ARIH1: variants seen among roughly 807,000 people sequenced by gnomAD.
ARIH1 encodes E3 ubiquitin-protein ligase ARIH1.
ARIH1 carries 8 observed loss-of-function variants against 85.0 expected under a neutral mutation model. The observed-to-expected ratio is 0.09, with a 90% CI of 0.06 to 0.17. The LOEUF (loss-of-function observed/expected upper bound fraction) is 0.17. Among genes scored for constraint, ARIH1 ranks in the 10% least tolerant of loss-of-function variants. ARIH1 has a pLI of 1.00. For synonymous variants in ARIH1, 238 were observed against 253.6 expected (o/e 0.94, Z 0.59); for missense variants, 311 against 718.1 (o/e 0.43, Z 6.48).
At chr15:72,577,677 CAA>C (rs2064277955) in intron 11 of ARIH1, among the ~76,000 whole-genome samples, 1 of 151,700 alleles carries the variant, frequency 6.6e-6, no homozygotes, top group Non-Finnish European at 1.5e-5. Context: ...CATCTCAAAA[CAA>C]AAAACAAACA....
In ARIH1 at chr15:72,596,515, C is replaced by T. The variant is rs4777519; in HGVS notation, c.*13223C>T. Reference sequence around the variant, plus strand: ...TATTGGTTCTTTCTTGGCCGTTATCCGTTTACATTTTTCTCTTGTCTCATA... The same window carrying T: ...TATTGGTTCTTTCTTGGCCGTTATCTGTTTACATTTTTCTCTTGTCTCATA... On this transcript the variant is annotated 3_prime_UTR_variant, in exon 14 of 14. Coordinates refer to ENST00000379887, the MANE Select transcript of ARIH1 (RefSeq NM_005744.5). 0.92 allele frequency: 140,162 copies of T among 152,174 alleles called. 65,629 individuals carry two copies. Among genetic ancestry groups the T allele is most frequent in the East Asian group, 1 (5,186 of 5,186 alleles). The allele number at this position is 152,174 out of a possible 1,614,324, so 9.4% of individuals were successfully genotyped here.
At chr15:72,537,557 T>C (rs1397188411) in intron 2 of ARIH1, among the ~76,000 whole-genome samples, 1 of 152,232 alleles carries the variant, frequency 6.6e-6, no homozygotes, top group African/African-American at 2.4e-5. Context: ...CATGTTACTT[T>C]TGCTTTTTAT....
rs1167550331 is a variant in ARIH1 at position 72,582,280 on chromosome 15, C to T, written c.1589+93C>T. 5.0e-6 allele frequency: 4 copies of T among 799,560 alleles called. No individual in the cohort carries two copies. Among genetic ancestry groups the T allele is most frequent in the Non-Finnish European group, 8.1e-6 (4 of 494,808 alleles). The allele number at this position is 799,560 out of a possible 1,614,324, so 49.5% of individuals were successfully genotyped here. On this transcript the variant is annotated intron_variant, in intron 13 of 13. Coordinates refer to ENST00000379887, the MANE Select transcript of ARIH1 (RefSeq NM_005744.5). This position sits in a 1 kb window ranked among gnomAD's most constrained non-coding sequence, Gnocchi z 4.6. ...GATAGTGAAACTGGGTTTAGCATAT[C>T]CAGCAACTGAGCTTTTGCCATGTTT...
At position 72,582,350 on chromosome 15, in the gene ARIH1, A is replaced by G. The variant is rs550340855; in HGVS notation, c.1589+163A>G. Among the ~76,000 whole-genome samples the G allele has an allele frequency of 4.6e-4, 70 of 152,296 alleles. No individual in the cohort carries two copies. In the South Asian group the frequency reaches 0.014, roughly 31 times the overall value. On this transcript the variant is annotated intron_variant, in intron 13 of 13. Coordinates refer to ENST00000379887, the MANE Select transcript of ARIH1 (RefSeq NM_005744.5). This position sits in a 1 kb window ranked among gnomAD's most constrained non-coding sequence, Gnocchi z 4.6. ...CGTTGGGCACTAAATTGCAGGTAAT[A>G]GTATTGGTGAAGCATACATAGAGAA...
At chr15:72,498,212 A>G (rs1256083119) in intron 1 of ARIH1, among the ~76,000 whole-genome samples, 1 of 150,740 alleles carries the variant, frequency 6.6e-6, no homozygotes, top group Admixed American at 6.7e-5. Flanking sequence ...ATGCATTCTT[A>G]TGTCAATAGA....
Position 72,588,474 on chromosome 15 carries a change from A to G in ARIH1, c.*5182A>G, listed in dbSNP as rs2140443761. 6.6e-6 allele frequency: 1 copy of G among 152,312 alleles called. No homozygotes were observed. The highest frequency in any genetic ancestry group is 1.9e-4 in the East Asian group (1 of 5,192). The allele number at this position is 152,312 out of a possible 1,614,324, so 9.4% of individuals were successfully genotyped here. On this transcript the variant is annotated 3_prime_UTR_variant, in exon 14 of 14. Coordinates refer to ENST00000379887, the MANE Select transcript of ARIH1 (RefSeq NM_005744.5). ...ATCAGTAATTTTTGTAAAGCCCTTT[A>G]CGCATTCTCACCCCTAATTCCAGCC...
Position 72,484,933 on chromosome 15 carries a change from G to A in ARIH1, c.375+9919G>A, listed in dbSNP as rs147234635. Among the ~76,000 whole-genome samples the A allele has an allele frequency of 2.2e-4, 33 of 151,882 alleles. No homozygotes were observed. In the East Asian group the frequency reaches 5.8e-3, roughly 27 times the overall value. On this transcript the variant is annotated intron_variant, in intron 1 of 13. Transcript: ENST00000379887. Reference sequence around the variant, plus strand: ...TTTTCGTATAATGACTTTTCCTCTGGGTGGATACCCAGTAGTGTGATTGCT... The same window carrying A: ...TTTTCGTATAATGACTTTTCCTCTGAGTGGATACCCAGTAGTGTGATTGCT...
chr15:72,539,884 A>G (rs1364891105), intron 2 of ARIH1, among the ~76,000 whole-genome samples: 2 of 152,248 alleles, frequency 1.3e-5, no homozygotes. Context: ...TTTAAACATT[A>G]GAATTATGTC....
chr15:72,519,514 G>A lies in ARIH1; in HGVS notation c.443+1380G>A, dbSNP rs537142863. Among the ~76,000 whole-genome samples, 10 of 98,726 alleles carry A rather than the reference G, an allele frequency of 1.0e-4. No homozygotes were observed. In the South Asian group the frequency reaches 2.3e-3, roughly 23 times the overall value. 64.8% of individuals were successfully genotyped at this position (98,726 alleles called of 152,430 possible). A position where few individuals can be genotyped will look rare whatever the true frequency, so the allele number is the denominator to read the frequency against. ...TTTTTTTTTTTTGAGACGGAGTTTC[G>A]CTCTTGTTGCCCAGGCTGGAGTGCA... On this transcript the variant is annotated intron_variant, in intron 2 of 13. Coordinates refer to ENST00000379887, the MANE Select transcript of ARIH1 (RefSeq NM_005744.5).
chr15:72,539,135 G>A (rs1177500501), intron 2 of ARIH1, among the ~76,000 whole-genome samples: 2 of 152,184 alleles, frequency 1.3e-5, no homozygotes, highest in Middle Eastern at 3.2e-3. Flanking sequence ...ACTCATTAAA[G>A]ATGCCTCAAC....
chr15:72,601,405 A>G lies in ARIH1; in HGVS notation c.*18113A>G, dbSNP rs1408754695. ...GATCTGCACTCCTACCTCTTCTCCT[A>G]TTGCAACCAACCCTGTTACCTTTTT... On this transcript the variant is annotated 3_prime_UTR_variant, in exon 14 of 14. Coordinates refer to ENST00000379887, the MANE Select transcript of ARIH1 (RefSeq NM_005744.5). 1 of 152,036 alleles carries G rather than the reference A, an allele frequency of 6.6e-6. No individual in the cohort carries two copies. Among genetic ancestry groups the G allele is most frequent in the Non-Finnish European group, 1.5e-5 (1 of 68,034 alleles). The allele number at this position is 152,036 out of a possible 1,614,324, so 9.4% of individuals were successfully genotyped here.
intron 1 of ARIH1, among the ~76,000 whole-genome samples, chr15:72,511,269 T>C (rs1277668674): frequency 1.3e-5 from 2 of 152,194 alleles, no homozygotes; most frequent in Non-Finnish European, 2.9e-5. Context: ...CAGTTATTCA[T>C]TACTAGTATG....
At position 72,595,505 on chromosome 15, in the gene ARIH1, CAG is replaced by C. The variant is rs1459116367; in HGVS notation, c.*12214_*12215del. 6.6e-6 allele frequency: 1 copy of C among 152,156 alleles called. No homozygotes were observed. The highest frequency in any genetic ancestry group is 6.6e-5 in the Admixed American group (1 of 15,266). The allele number at this position is 152,156 out of a possible 1,614,324, so 9.4% of individuals were successfully genotyped here. On this transcript the variant is annotated 3_prime_UTR_variant, in exon 14 of 14. Coordinates refer to ENST00000379887, the MANE Select transcript of ARIH1 (RefSeq NM_005744.5). ...GACTGTTTTTGTTTTTGTTTTGAGACAGGGTCTCTGTCACGCAGGCTGGAGTG... is the reference window on the plus strand; with the variant it reads ...GACTGTTTTTGTTTTTGTTTTGAGACGGTCTCTGTCACGCAGGCTGGAGTG...
At chr15:72,501,986 A>G (rs2140402113) in intron 1 of ARIH1, among the ~76,000 whole-genome samples, 1 of 152,274 alleles carries the variant, frequency 6.6e-6, no homozygotes, top group East Asian at 1.9e-4. Flanking sequence ...AAGTTTAAAA[A>G]CTAGGGTGTT....
rs2064346899 is a variant in ARIH1 at position 72,592,455 on chromosome 15, C to T, written c.*9163C>T. On this transcript the variant is annotated 3_prime_UTR_variant, in exon 14 of 14. Transcript: ENST00000379887. ...AGAAATTAATATTACAAAATGCACA[C>T]ATCTTAAGTGTGAAGTTTGATGTTT... is the stretch of plus-strand genomic sequence containing the variant. 3 of 152,224 alleles carry T rather than the reference C, an allele frequency of 2.0e-5. No homozygotes were observed. The highest frequency in any genetic ancestry group is 1.3e-4 in the Admixed American group (2 of 15,284). 9.4% of individuals were successfully genotyped at this position (152,224 alleles called of 1,614,324 possible). A position where few individuals can be genotyped will look rare whatever the true frequency, so the allele number is the denominator to read the frequency against.
At chr15:72,540,206 C>T (rs1191625206) in intron 2 of ARIH1, among the ~76,000 whole-genome samples, 16 of 142,748 alleles carry the variant, frequency 1.1e-4, no homozygotes, top group South Asian at 2.2e-4. Flanking sequence ...TGCAGTGAGC[C>T]GAGATTGCAC....
At chr15:72,558,663 A>C (rs900379634) in intron 5 of ARIH1, among the ~76,000 whole-genome samples, 8 of 152,178 alleles carry the variant, frequency 5.3e-5, no homozygotes, top group Non-Finnish European at 1.2e-4. Context: ...CTTATTAATG[A>C]CCAGAGTGAC....
rs1484390441 is a variant in ARIH1 at position 72,577,260 on chromosome 15, C to T, written c.1216-3471C>T. On this transcript the variant is annotated intron_variant, in intron 11 of 13. Coordinates refer to ENST00000379887, the MANE Select transcript of ARIH1 (RefSeq NM_005744.5). ...TCAGCCTCCCATAATGCTGGGATTA[C>T]AGGCGTGAGCCACTCACTGTGCCTG... Among the ~76,000 whole-genome samples, 4 of 152,076 alleles carry T rather than the reference C, an allele frequency of 2.6e-5. No individual in the cohort carries two copies. The South Asian group carries it at 8.3e-4, about 32-fold the overall frequency.
chr15:72,474,675 C>A lies in ARIH1; in HGVS notation c.36C>A (p.Asp12Glu), dbSNP rs769816706. ...ACGAGGGCTACAACTACGAGTTCGA[C>A]GAGGACGAGGAGTGCAGTGAGGAGG... Reference protein sequence around the residue: ...DSDEGYNYEFDEDEECSEEDS... With the variant: ...DSDEGYNYEFEEDEECSEEDS... Residue 12 changes from aspartate to glutamate, a missense_variant, in exon 1 of 14, where the codon GAC becomes GAA. Coordinates refer to ENST00000379887, the MANE Select transcript of ARIH1 (RefSeq NM_005744.5). 2 of 1,567,160 alleles carry A rather than the reference C, an allele frequency of 1.3e-6. No individual in the cohort carries two copies. The highest frequency in any genetic ancestry group is 1.7e-6 in the Non-Finnish European group (2 of 1,158,308).
Sources: gnomAD v4.1 joint callset for allele counts (sites outside exome capture counted in the v4.1 genomes callset) on GRCh38, gnomAD v4.1.1 for gene constraint, Gnocchi (gnomAD v3.1) non-coding constraint, MANE v1.5 for transcripts, NCBI Gene and HGNC (gene_info 2026-07-23, HGNC 2026-07-21) for gene names.